Variants in FSTL5 observed in about 807,000 individuals in gnomAD.
FSTL5 encodes the protein follistatin-related protein 5.
FSTL5 carries 62 observed loss-of-function variants against 89.1 expected under a neutral mutation model. That is an observed-to-expected ratio of 0.70 (90% CI 0.57 to 0.86). FSTL5 has a LOEUF of 0.86. FSTL5 is among the 40% of genes least tolerant of loss of function. FSTL5 has a pLI of 0.00. For missense variants in FSTL5, 1,057 were observed against 1,001.6 expected (o/e 1.06, Z -0.75); for synonymous variants, 383 against 346.2 (o/e 1.11, Z -1.18).
chr4:161,532,200 CAA>C (rs764769069), intron 10 of FSTL5, among the ~76,000 whole-genome samples: 20 of 116,754 alleles, frequency 1.7e-4, no homozygotes, highest in East Asian at 2.3e-4. Flanking sequence ...ACTCCATCTC[CAA>C]AAAAAAAAAA....
chr4:161,628,514 T>C (rs565247323), intron 7 of FSTL5, among the ~76,000 whole-genome samples: 5 of 152,238 alleles, frequency 3.3e-5, no homozygotes, highest in Admixed American at 3.3e-4. Flanking sequence ...TATAACATAA[T>C]ATCAGAGTAT....
intron 4 of FSTL5, among the ~76,000 whole-genome samples, chr4:161,860,156 C>T (rs377709901): frequency 1.1e-4 from 17 of 152,050 alleles, no homozygotes; most frequent in Middle Eastern, 3.4e-3. Context: ...GGCGTGGTGG[C>T]GGGCGCCTGT....
chr4:161,831,241 A>C (rs1283093763), intron 4 of FSTL5, among the ~76,000 whole-genome samples: 1 of 151,936 alleles, frequency 6.6e-6, no homozygotes. Flanking sequence ...AATAAATTTT[A>C]TTTAAAACAA....
At chr4:162,094,195 T>C (rs2111365535) in intron 2 of FSTL5, among the ~76,000 whole-genome samples, 1 of 152,240 alleles carries the variant, frequency 6.6e-6, no homozygotes, top group South Asian at 2.1e-4. Flanking sequence ...GAGACCATCC[T>C]GGCTAACAGG....
chr4:162,072,454 C>T (rs557891707), intron 2 of FSTL5, among the ~76,000 whole-genome samples: 1 of 151,780 alleles, frequency 6.6e-6, no homozygotes, highest in Admixed American at 6.6e-5. Context: ...TAAGGGAAAA[C>T]ATATCAACAA....
intron 4 of FSTL5, among the ~76,000 whole-genome samples, chr4:161,836,111 A>G (rs1731029975): frequency 6.6e-6 from 1 of 152,060 alleles, no homozygotes; most frequent in Admixed American, 6.6e-5. Context: ...ACACCATGGA[A>G]TACTATGCAG....
intron 8 of FSTL5, among the ~76,000 whole-genome samples, chr4:161,587,223 A>C (rs558393412): frequency 1.3e-5 from 2 of 152,190 alleles, no homozygotes; most frequent in South Asian, 4.1e-4. Context: ...TTTTCCAATT[A>C]AAATGAGTTA....
chr4:161,882,399 C>G (rs1294708188), intron 4 of FSTL5, among the ~76,000 whole-genome samples: 1 of 152,094 alleles, frequency 6.6e-6, no homozygotes, highest in Non-Finnish European at 1.5e-5. Flanking sequence ...TGGGAAACTT[C>G]ATCTGTTGTA....
At chr4:162,034,901 T>A (rs1737672155) in intron 2 of FSTL5, among the ~76,000 whole-genome samples, 1 of 152,190 alleles carries the variant, frequency 6.6e-6, no homozygotes, top group African/African-American at 2.4e-5. Flanking sequence ...TGGTGTTCTA[T>A]TTCTCTCATC....
At chr4:161,561,193 TGATA>T (rs35910528) in intron 8 of FSTL5, among the ~76,000 whole-genome samples, 23,513 of 150,342 alleles carry the variant, frequency 0.16, 2,145 homozygotes, top group East Asian at 0.33. Context: ...GTATTTTAGA[TGATA>T]GATAGATAGA....
intron 2 of FSTL5, among the ~76,000 whole-genome samples, chr4:162,041,274 C>T (rs1578977329): frequency 2.0e-5 from 3 of 147,242 alleles, no homozygotes. Flanking sequence ...GTCTAGAGGA[C>T]ATAGCATAGA....
chr4:161,812,356 T>A (rs951928322), intron 4 of FSTL5, among the ~76,000 whole-genome samples: 7 of 152,288 alleles, frequency 4.6e-5, no homozygotes, highest in South Asian at 2.1e-4. Context: ...CCTGTGCAAG[T>A]ACAGTCCCCT....
At chr4:162,153,617 A>G (rs1733314793) in intron 1 of FSTL5, among the ~76,000 whole-genome samples, 1 of 142,246 alleles carries the variant, frequency 7.0e-6, no homozygotes, top group Non-Finnish European at 1.5e-5. Context: ...ATATATGTAT[A>G]TTATATATGT....
rs1161832066 is a variant in FSTL5, at chr4:161,784,912, A to AAAAAAC, written c.410-8839_410-8838insGTTTTT. Among the ~76,000 whole-genome samples, 11 of 137,622 alleles carry AAAAAAC rather than the reference A, an allele frequency of 8.0e-5. 1 individual carries two copies. Among genetic ancestry groups the AAAAAAC allele is most frequent in the African/African-American group, 3.0e-4 (11 of 37,220 alleles). The allele number at this position is 137,622 out of a possible 152,430, so 90.3% of individuals were successfully genotyped here. Reference sequence around the variant, plus strand: ...CGTCTCAAAAAAAACAAAAACAAACAAACAAAAAAAAGAAGATATGCTATC... The same window carrying AAAAAAC: ...CGTCTCAAAAAAAACAAAAACAAACAAAAAACAACAAAAAAAAGAAGATATGCTATC... On this transcript the variant is annotated intron_variant, in intron 4 of 15. Coordinates refer to ENST00000306100, the MANE Select transcript of FSTL5 (RefSeq NM_020116.5).
At chr4:161,389,632 A>AT (rs1442125926) in intron 15 of FSTL5, among the ~76,000 whole-genome samples, 1 of 152,194 alleles carries the variant, frequency 6.6e-6, no homozygotes, top group Non-Finnish European at 1.5e-5. Flanking sequence ...TAGACCTTAC[A>AT]TAAATGTGAC....
At chr4:161,521,974 C>A (rs1391254494) in intron 10 of FSTL5, among the ~76,000 whole-genome samples, 2 of 151,724 alleles carry the variant, frequency 1.3e-5, no homozygotes, top group African/African-American at 4.8e-5. Flanking sequence ...GGCTGTCTCA[C>A]TAACTCAAAT....
At chr4:161,485,754 T>C (rs1729656789) in intron 12 of FSTL5, among the ~76,000 whole-genome samples, 1 of 152,148 alleles carries the variant, frequency 6.6e-6, no homozygotes, top group Admixed American at 6.6e-5. Context: ...GTATAGTTTA[T>C]ATGTCAAATA....
intron 3 of FSTL5, among the ~76,000 whole-genome samples, chr4:161,970,973 A>G (rs1735466323): frequency 6.6e-6 from 1 of 152,084 alleles, no homozygotes; most frequent in Non-Finnish European, 1.5e-5. Flanking sequence ...ATGTGATATA[A>G]CTACATAAAA....
At chr4:162,068,878 G>A (rs59752499) in intron 2 of FSTL5, among the ~76,000 whole-genome samples, 5,556 of 152,032 alleles carry the variant, frequency 0.037, 153 homozygotes, top group South Asian at 0.088. Flanking sequence ...TAAACAGTGG[G>A]CAAAAGCCAT....
Sources: gnomAD v4.1 joint callset for allele counts (sites outside exome capture counted in the v4.1 genomes callset) on GRCh38, gnomAD v4.1.1 for gene constraint, MANE v1.5 for transcripts, NCBI Gene and HGNC (gene_info 2026-07-23, HGNC 2026-07-21) for gene names.